SLC39A11: variants seen among roughly 807,000 people sequenced by gnomAD.
SLC39A11 encodes the protein zinc transporter ZIP11.
Under a neutral mutation model 36.1 loss-of-function variants are expected in SLC39A11, and 33 were observed. That is an observed-to-expected ratio of 0.91 (90% CI 0.69 to 1.22). SLC39A11 has a LOEUF of 1.22. Ranked by LOEUF, SLC39A11 falls within the 50% of genes most tolerant of loss-of-function variation. The pLI, the probability that SLC39A11 is intolerant of heterozygous loss-of-function variation, is 0.00. For synonymous variants in SLC39A11, 166 were observed against 170.3 expected, an observed-to-expected ratio of 0.97 and a Z score of 0.20; for missense variants, 432 against 430.3, an observed-to-expected ratio of 1.00 and a Z score of -0.03.
chr17:72,956,048 A>G (rs1363690738), intron 4 of SLC39A11, among the ~76,000 whole-genome samples: 1 of 152,122 alleles, frequency 6.6e-6, no homozygotes, highest in African/African-American at 2.4e-5. Flanking sequence ...TGGCATAAAT[A>G]GTCAGAGTGG....
At chr17:72,731,634 C>G (rs2074219860) in intron 7 of SLC39A11, among the ~76,000 whole-genome samples, 1 of 152,106 alleles carries the variant, frequency 6.6e-6, no homozygotes, top group South Asian at 2.1e-4. Context: ...ACCCTGCCCT[C>G]AGTTTCCCCT....
intron 5 of SLC39A11, among the ~76,000 whole-genome samples, chr17:72,945,877 T>C (rs1434080633): frequency 6.6e-6 from 1 of 152,192 alleles, no homozygotes; most frequent in Non-Finnish European, 1.5e-5. Context: ...TGTTTACCTT[T>C]TTTGACTGAC....
At chr17:72,838,041 T>G in intron 6 of SLC39A11, 1 of 1,193,154 alleles carries the variant, frequency 8.4e-7, no homozygotes. Flanking sequence ...CTCAGCACTA[T>G]GGGAGGCTGA....
rs2074106554 is a variant in SLC39A11 at position 72,729,440 on chromosome 17, TATATATATATATA to T, written c.671+7197_671+7209del. On this transcript the variant is annotated intron_variant, in intron 7 of 9. Transcript: ENST00000255559. The stretch of plus-strand genomic sequence containing the variant: ...ATATATATATATATATATATATATA[TATATATATATATA>T]TATATTTTTTTTTTTTTTTTTTTTT... 1.1e-3 allele frequency among the ~76,000 whole-genome samples: 6 copies of T among 5,308 alleles called. 1 individual carries two copies. Among genetic ancestry groups the T allele is most frequent in the African/African-American group, 4.1e-3 (5 of 1,216 alleles). The allele number at this position is 5,308 out of a possible 152,430, so 3.5% of individuals were successfully genotyped here.
chr17:72,657,099 C>T (rs1029136432), intron 7 of SLC39A11, among the ~76,000 whole-genome samples: 1 of 152,198 alleles, frequency 6.6e-6, no homozygotes, highest in South Asian at 2.1e-4. Flanking sequence ...CGGTGGCTCA[C>T]GCCTGTAATC....
chr17:72,976,452 G>A (rs1270584530), intron 4 of SLC39A11, among the ~76,000 whole-genome samples: 1 of 152,144 alleles, frequency 6.6e-6, no homozygotes, highest in Non-Finnish European at 1.5e-5. Context: ...AAGAAAAAGA[G>A]TGATAACTGA....
intron 7 of SLC39A11, among the ~76,000 whole-genome samples, chr17:72,689,016 C>A (rs1173412703): frequency 6.6e-6 from 1 of 152,190 alleles, no homozygotes; most frequent in African/African-American, 2.4e-5. Context: ...TGCCCAGGGC[C>A]CCTCTTGGAG....
chr17:72,846,034 T>G (rs2079040263), intron 6 of SLC39A11, among the ~76,000 whole-genome samples: 1 of 132,424 alleles, frequency 7.6e-6, no homozygotes, highest in Non-Finnish European at 1.6e-5. Context: ...TTTTTTTTTT[T>G]TTTTTTTTTT....
intron 1 of SLC39A11, among the ~76,000 whole-genome samples, chr17:73,090,294 T>G (rs1366827558): frequency 6.6e-6 from 1 of 152,212 alleles, no homozygotes; most frequent in Non-Finnish European, 1.5e-5. Flanking sequence ...GCTCAGCCCC[T>G]GTGCCAGAAA....
intron 4 of SLC39A11, among the ~76,000 whole-genome samples, chr17:72,970,116 C>T (rs183031954): frequency 1.1e-4 from 16 of 152,282 alleles, no homozygotes; most frequent in East Asian, 3.9e-4. Flanking sequence ...ATCTTTCAAC[C>T]GTTAAAAGGT....
intron 5 of SLC39A11, among the ~76,000 whole-genome samples, chr17:72,900,152 GA>G (rs1326211902): frequency 0.039 from 1,523 of 38,760 alleles, 277 homozygotes; most frequent in African/African-American, 0.15. Context: ...AAGAAAGAAA[GA>G]AAAGAAAGAA....
intron 4 of SLC39A11, among the ~76,000 whole-genome samples, chr17:72,968,711 G>C (rs564214491): frequency 6.6e-6 from 1 of 152,302 alleles, no homozygotes; most frequent in South Asian, 2.1e-4. Flanking sequence ...GCGTGGTGTT[G>C]ACTCCTGTGT....
At chr17:72,852,804 A>G (rs1023564128) in intron 5 of SLC39A11, among the ~76,000 whole-genome samples, 1 of 152,192 alleles carries the variant, frequency 6.6e-6, no homozygotes, top group East Asian at 1.9e-4. Flanking sequence ...AAGCTCACAA[A>G]TGCTAAAGAC....
At chr17:73,037,678 C>T (rs926479678) in intron 3 of SLC39A11, among the ~76,000 whole-genome samples, 1 of 152,230 alleles carries the variant, frequency 6.6e-6, no homozygotes, top group Non-Finnish European at 1.5e-5. Context: ...TCTTCCTTTT[C>T]CTCACCTTTG....
At chr17:72,916,380 C>T (rs1390867040) in intron 5 of SLC39A11, among the ~76,000 whole-genome samples, 1 of 152,180 alleles carries the variant, frequency 6.6e-6, no homozygotes, top group Non-Finnish European at 1.5e-5. Flanking sequence ...TACACGGTTC[C>T]TCCAATGAGC....
intron 5 of SLC39A11, among the ~76,000 whole-genome samples, chr17:72,861,637 C>A (rs778604955): frequency 4.4e-5 from 5 of 114,022 alleles, no homozygotes; most frequent in African/African-American, 7.1e-5. Context: ...TAAATACATG[C>A]ACCATCTATA....
chr17:73,006,651 A>AACACAC (rs144245639), intron 4 of SLC39A11, among the ~76,000 whole-genome samples: 67 of 149,124 alleles, frequency 4.5e-4, no homozygotes, highest in Middle Eastern at 3.5e-3. Context: ...TCAGTTTGTA[A>AACACAC]ACACACACAC....
chr17:72,659,320 C>T (rs1239553838), intron 7 of SLC39A11, among the ~76,000 whole-genome samples: 1 of 152,142 alleles, frequency 6.6e-6, no homozygotes, highest in Non-Finnish European at 1.5e-5. Context: ...GACAGATGAT[C>T]CAGGAAACCT....
intron 7 of SLC39A11, among the ~76,000 whole-genome samples, chr17:72,700,865 A>T (rs1299832604): frequency 2.0e-5 from 3 of 152,226 alleles, no homozygotes; most frequent in Non-Finnish European, 4.4e-5. Flanking sequence ...CACTACCATG[A>T]GAACAGCATA....
Sources: gnomAD v4.1 joint callset for allele counts (sites outside exome capture counted in the v4.1 genomes callset) on GRCh38, gnomAD v4.1.1 for gene constraint, MANE v1.5 for transcripts, NCBI Gene and HGNC (gene_info 2026-07-23, HGNC 2026-07-21) for gene names.